Variants in GSAP observed in about 807,000 individuals in gnomAD.
GSAP encodes gamma-secretase activating protein, also known as gamma-secretase-activating protein.
Under a neutral mutation model 131.7 loss-of-function variants are expected in GSAP, and 118 were observed. That is an observed-to-expected ratio of 0.90 (90% confidence interval 0.77 to 1.04). GSAP has a LOEUF of 1.04. GSAP is among the 50% of genes least tolerant of loss of function. The probability of loss-of-function intolerance (pLI) is 0.00; values close to 1 mark genes in which losing one functional copy is unlikely to be tolerated. For synonymous variants in GSAP, 381 were observed against 363.4 expected (o/e 1.05, Z -0.55); for missense variants, 1,019 against 1,013.2 (o/e 1.01, Z -0.08).
rs762042907 is a variant in GSAP, at chr7:77,381,328, C to A, written c.553G>T (p.Ala185Ser). ...KYIEQFRIHVAQEDGNRVVIK... is the reference protein window; with the variant it reads ...KYIEQFRIHVSQEDGNRVVIK... ...ACCACTCTATTTCCATCTTCTTGGGCGACATGGATACGAAATTGTTCAATA... is the reference window on the plus strand; with the variant it reads ...ACCACTCTATTTCCATCTTCTTGGGAGACATGGATACGAAATTGTTCAATA... The change falls in exon 8 of 31, where the codon GCC (alanine) becomes TCC (serine). Residue 185 changes from alanine to serine, a missense_variant. Coordinates refer to ENST00000257626, the MANE Select transcript of GSAP (RefSeq NM_017439.4). The A allele has an allele frequency of 2.6e-6, 4 of 1,556,898 alleles. No homozygotes were observed. Among genetic ancestry groups the A allele is most frequent in the Non-Finnish European group, 1.7e-6 (2 of 1,145,262 alleles).
chr7:77,337,177 G>A (rs1426423360), intron 19 of GSAP, among the ~76,000 whole-genome samples: 11 of 151,664 alleles, frequency 7.3e-5, no homozygotes, highest in African/African-American at 2.7e-4. Context: ...TTGTGAGGTG[G>A]AGTCTTGCTC....
chr7:77,345,866 T>C (rs908931396), intron 19 of GSAP, among the ~76,000 whole-genome samples: 1 of 152,202 alleles, frequency 6.6e-6, no homozygotes, highest in Non-Finnish European at 1.5e-5. Flanking sequence ...TCTCTTCACC[T>C]GGACGCACGT....
At chr7:77,415,832 C>G (rs1804301039) in intron 1 of GSAP, 1 of 201,724 alleles carries the variant, frequency 5.0e-6, no homozygotes, top group African/African-American at 2.3e-5. Flanking sequence ...GGCAAAGCCC[C>G]TGCGCTGCCG....
rs372345385 is a variant in GSAP at position 77,352,981 on chromosome 7, T to C, written c.1454A>G (p.Lys485Arg). 2.6e-5 allele frequency: 42 copies of C among 1,608,346 alleles called. No individual in the cohort carries two copies. Among genetic ancestry groups the C allele is most frequent in the Non-Finnish European group, 3.6e-5 (42 of 1,174,870 alleles). Residue 485 changes from lysine (K) to arginine (R), a missense_variant, in exon 18 of 31, where the codon AAA becomes AGA. Physicochemically the swap from Lys to Arg is conservative, Grantham distance 26. Transcript: ENST00000257626. ...GAGCACTGAGGAATGTGGCAATAGTTTGTCCATGTTACTTGTCTCTGAATA... is the reference window on the plus strand; with the variant it reads ...GAGCACTGAGGAATGTGGCAATAGTCTGTCCATGTTACTTGTCTCTGAATA... ...SVYSETSNMD[K>R]LLPHSSVLTW...
At chr7:77,333,187 T>C (rs541886244) in intron 19 of GSAP, among the ~76,000 whole-genome samples, 156 of 152,200 alleles carry the variant, frequency 1.0e-3, no homozygotes, top group African/African-American at 3.7e-3. Flanking sequence ...ATGCAGAGAT[T>C]ATTCTAAATT....
rs755872795 is a variant in GSAP, at chr7:77,312,169, G to A, written c.2305C>T (p.His769Tyr). Residue 769 changes from histidine to tyrosine, a missense_variant, in exon 29 of 31, where the codon CAT becomes TAT. Coordinates refer to ENST00000257626, the MANE Select transcript of GSAP (RefSeq NM_017439.4). ...GAAATGATGTTAGAACTCATAGGAT[G>A]ATCCCAAAGTCTACAAATCTTCTGC... ...IGQKICRLWD[H>Y]PMSSNIISRN... 2 of 1,602,524 alleles carry A rather than the reference G, an allele frequency of 1.2e-6. No individual in the cohort carries two copies. The highest frequency in any genetic ancestry group is 8.5e-7 in the Non-Finnish European group (1 of 1,175,582).
chr7:77,326,163 C>T, intron 23 of GSAP, 49 bp downstream of exon 23: 1 of 1,201,384 alleles, frequency 8.3e-7, no homozygotes, highest in Admixed American at 2.0e-5. Context: ...TTCCCCTTGT[C>T]TTAGGGTTCC....
intron 13 of GSAP, 143 bp downstream of exon 13, chr7:77,362,440 T>C: frequency 1.6e-6 from 1 of 606,284 alleles, no homozygotes; most frequent in Non-Finnish European, 3.0e-6. Flanking sequence ...TGAGCAGTAT[T>C]CATGCCACCG....
chr7:77,414,798 A>G (rs1490356994), intron 1 of GSAP, among the ~76,000 whole-genome samples: 1 of 139,136 alleles, frequency 7.2e-6, no homozygotes, highest in African/African-American at 2.7e-5. Context: ...TGCCTGTTGT[A>G]TTTCAAAAAG....
chr7:77,396,697 T>C (rs1800454022), intron 5 of GSAP, among the ~76,000 whole-genome samples: 2 of 152,168 alleles, frequency 1.3e-5, no homozygotes, highest in Admixed American at 1.3e-4. Context: ...TATACCAACA[T>C]CTGACCATAG....
chr7:77,317,545 C>T (rs1787022081), intron 26 of GSAP, among the ~76,000 whole-genome samples: 1 of 152,122 alleles, frequency 6.6e-6, no homozygotes, highest in African/African-American at 2.4e-5. Flanking sequence ...TGAGAAACAC[C>T]TTTTCCTTAC....
At chr7:77,356,746 C>T (rs994374337) in intron 14 of GSAP, among the ~76,000 whole-genome samples, 4 of 152,162 alleles carry the variant, frequency 2.6e-5, no homozygotes, top group African/African-American at 9.7e-5. Context: ...AACAGAAATT[C>T]ACACAGTAGT....
chr7:77,381,272 A>C (rs778591167), intron 8 of GSAP, 33 bp downstream of exon 8: 9 of 1,321,678 alleles, frequency 6.8e-6, no homozygotes, highest in Non-Finnish European at 8.5e-6. Context: ...GGAAAAAAAA[A>C]CCTATGAAGC....
intron 19 of GSAP, among the ~76,000 whole-genome samples, chr7:77,331,037 G>A (rs1789065087): frequency 6.6e-6 from 1 of 152,202 alleles, no homozygotes; most frequent in South Asian, 2.1e-4. Flanking sequence ...GTGTTGACCA[G>A]GTGCAGTGGC....
intron 14 of GSAP, among the ~76,000 whole-genome samples, chr7:77,359,021 C>T (rs1231175158): frequency 6.6e-6 from 1 of 152,004 alleles, no homozygotes; most frequent in Admixed American, 6.6e-5. Flanking sequence ...ATCGCCTCTA[C>T]TGAAACTACA....
At chr7:77,328,172 GCTC>G (rs1264504238) in intron 22 of GSAP, 4 of 983,380 alleles carry the variant, frequency 4.1e-6, no homozygotes, top group Non-Finnish European at 4.8e-6. Context: ...TTACCTGGAA[GCTC>G]CTCATCTTTA....
intron 12 of GSAP, among the ~76,000 whole-genome samples, chr7:77,372,585 TG>T (rs1340923715): frequency 6.6e-6 from 1 of 152,160 alleles, no homozygotes; most frequent in Non-Finnish European, 1.5e-5. Context: ...TGAATGGACT[TG>T]GTCAAAAAAT....
chr7:77,381,377 G>T, intron 7 of GSAP, 23 bp from the exon 8 acceptor site: 1 of 1,336,156 alleles, frequency 7.5e-7, no homozygotes, highest in Non-Finnish European at 1.0e-6. Flanking sequence ...AACAAAGAAA[G>T]ATAATTTAAC....
At chr7:77,352,133 C>T (rs1427911573) in intron 18 of GSAP, among the ~76,000 whole-genome samples, 4 of 152,124 alleles carry the variant, frequency 2.6e-5, no homozygotes. Context: ...CTTGATACAT[C>T]TTTTTTAAGG....
Sources: gnomAD v4.1 joint callset for allele counts (sites outside exome capture counted in the v4.1 genomes callset) on GRCh38, gnomAD v4.1.1 for gene constraint, MANE v1.5 for transcripts, NCBI Gene and HGNC (gene_info 2026-07-23, HGNC 2026-07-21) for gene names.